CADPS2: variants seen among roughly 807,000 people sequenced by gnomAD.
CADPS2 encodes the protein calcium dependent secretion activator 2, also known as calcium-dependent secretion activator 2.
CADPS2 carries 93 observed loss-of-function variants against 172.5 expected under a neutral mutation model. The ratio of observed to expected loss-of-function variants is 0.54; its 90% CI spans 0.46 to 0.64. The LOEUF is 0.64. Among genes scored for constraint, CADPS2 ranks in the 30% least tolerant of loss-of-function variants. The pLI, the probability that CADPS2 is intolerant of heterozygous loss-of-function variation, is 0.00. For synonymous variants in CADPS2, 546 were observed against 555.2 expected (o/e 0.98, Z 0.23); for missense variants, 1,420 against 1,565.9 (o/e 0.91, Z 1.57).
chr7:122,675,184 A>G (rs1002998724), intron 2 of CADPS2, among the ~76,000 whole-genome samples: 5 of 152,354 alleles, frequency 3.3e-5, no homozygotes, highest in Admixed American at 6.5e-5. Context: ...CTAAGGCAGC[A>G]TTTGTCCATC....
chr7:122,617,529 T>C (rs2133910385), intron 5 of CADPS2, among the ~76,000 whole-genome samples: 1 of 152,238 alleles, frequency 6.6e-6, no homozygotes, highest in East Asian at 1.9e-4. Context: ...AATAAAGTTG[T>C]CCTAGAAGTA....
chr7:122,708,088 C>A (rs1216782624), intron 2 of CADPS2, among the ~76,000 whole-genome samples: 1 of 151,732 alleles, frequency 6.6e-6, no homozygotes, highest in Non-Finnish European at 1.5e-5. Context: ...CATTTGTCCT[C>A]CTGTTGCAAG....
chr7:122,348,515 T>G (rs1297733728), intron 27 of CADPS2, among the ~76,000 whole-genome samples: 1 of 152,182 alleles, frequency 6.6e-6, no homozygotes, highest in African/African-American at 2.4e-5. Flanking sequence ...AATCAAGTGT[T>G]TCCTTTTTTT....
chr7:122,755,756 A>G (rs1182817839), intron 1 of CADPS2, among the ~76,000 whole-genome samples: 1 of 152,052 alleles, frequency 6.6e-6, no homozygotes, highest in East Asian at 1.9e-4. Context: ...AACTGATAAG[A>G]TATTTCATAA....
chr7:122,702,434 T>A (rs371390372), intron 2 of CADPS2: 1 of 1,613,622 alleles, frequency 6.2e-7, no homozygotes. Context: ...GCCTCCACGT[T>A]CGATGAGGGC....
intron 17 of CADPS2, among the ~76,000 whole-genome samples, chr7:122,437,971 A>G (rs2050858203): frequency 6.6e-6 from 1 of 152,158 alleles, no homozygotes; most frequent in South Asian, 2.1e-4. Flanking sequence ...AAATAAAATT[A>G]CATAATACTA....
chr7:122,698,166 T>C, intron 2 of CADPS2: 2 of 1,614,040 alleles, frequency 1.2e-6, no homozygotes, highest in Non-Finnish European at 1.7e-6. Context: ...TATCCCCATT[T>C]GGATTTATTT....
chr7:122,744,428 C>T (rs1223152286), intron 1 of CADPS2, among the ~76,000 whole-genome samples: 1 of 152,104 alleles, frequency 6.6e-6, no homozygotes, highest in African/African-American at 2.4e-5. Flanking sequence ...GGGAAAATAC[C>T]ATGGTACTAT....
At chr7:122,729,009 A>G (rs1038698665) in intron 2 of CADPS2, among the ~76,000 whole-genome samples, 3 of 151,518 alleles carry the variant, frequency 2.0e-5, no homozygotes, top group East Asian at 3.9e-4. Flanking sequence ...ACCTCTCTTT[A>G]CCCTCTATCC....
At chr7:122,648,477 C>A (rs1411816312) in intron 3 of CADPS2, among the ~76,000 whole-genome samples, 1 of 152,028 alleles carries the variant, frequency 6.6e-6, no homozygotes, top group Admixed American at 6.6e-5. Flanking sequence ...CTCTGCCCAC[C>A]CCGCCAAAAT....
At chr7:122,402,494 TAAA>T (rs1167514356) in intron 20 of CADPS2, among the ~76,000 whole-genome samples, 1 of 152,056 alleles carries the variant, frequency 6.6e-6, no homozygotes, top group Non-Finnish European at 1.5e-5. Context: ...CTCCAAAAGA[TAAA>T]AAACTATTTT....
chr7:122,365,390 T>C (rs900950739), intron 25 of CADPS2, among the ~76,000 whole-genome samples: 2 of 152,182 alleles, frequency 1.3e-5, no homozygotes, highest in African/African-American at 4.8e-5. Context: ...CTTTGTAAGA[T>C]TTTTGTTGAG....
At chr7:122,551,310 T>G (rs1352850928) in intron 8 of CADPS2, among the ~76,000 whole-genome samples, 5 of 152,078 alleles carry the variant, frequency 3.3e-5, no homozygotes, top group Non-Finnish European at 7.4e-5. Flanking sequence ...CTTAATACTC[T>G]AGGGAGCACA....
At position 122,578,689 on chromosome 7, in the gene CADPS2, A is replaced by T. The variant is rs543393874; in HGVS notation, c.1335+2490T>A. On this transcript the variant is annotated intron_variant, in intron 7 of 29. Transcript: ENST00000449022. ...TCCAAATAAATTGGAAGACATTGGA[A>T]TATTTTAAGGACAGAATGTTGTGAT... Among the ~76,000 whole-genome samples the T allele has an allele frequency of 3.3e-5, 5 of 152,280 alleles. No homozygotes were observed. In the South Asian group the frequency reaches 1.0e-3, roughly 32 times the overall value.
rs923581815 is a variant in CADPS2, at chr7:122,866,027, T to C, written c.339+19972A>G. Among the ~76,000 whole-genome samples the C allele has an allele frequency of 2.6e-5, 4 of 152,202 alleles. No homozygotes were observed. The East Asian group carries it at 7.7e-4, about 29-fold the overall frequency. On this transcript the variant is annotated intron_variant, in intron 1 of 29. Coordinates refer to ENST00000449022, the MANE Select transcript of CADPS2 (RefSeq NM_017954.11). ...TTTCCCAAAGAATTAAAAACATTAA[T>C]AGTTAAAAGAATTTCTTCTGGGAAT...
intron 15 of CADPS2, among the ~76,000 whole-genome samples, chr7:122,445,807 G>A (rs1047516767): frequency 6.6e-6 from 1 of 152,136 alleles, no homozygotes; most frequent in Non-Finnish European, 1.5e-5. Flanking sequence ...GGGCGACAGA[G>A]TAAGAACCTG....
chr7:122,374,026 C>T (rs2042064113), intron 25 of CADPS2, among the ~76,000 whole-genome samples: 1 of 152,102 alleles, frequency 6.6e-6, no homozygotes, highest in African/African-American at 2.4e-5. Context: ...AAACTGAATT[C>T]AACAGCACAT....
intron 3 of CADPS2, among the ~76,000 whole-genome samples, chr7:122,650,867 A>G (rs1326925297): frequency 6.6e-6 from 1 of 152,100 alleles, no homozygotes; most frequent in Non-Finnish European, 1.5e-5. Flanking sequence ...ATTATGATAC[A>G]TTTATTTACC....
At position 122,625,199 on chromosome 7, in the gene CADPS2, C is replaced by T. The variant is rs923971691; in HGVS notation, c.868-3482G>A. 3.9e-5 allele frequency among the ~76,000 whole-genome samples: 6 copies of T among 152,096 alleles called. 1 individual carries two copies. Among genetic ancestry groups the T allele is most frequent in the South Asian group, 4.2e-4 (2 of 4,808 alleles). On this transcript the variant is annotated intron_variant, in intron 4 of 29. Coordinates refer to ENST00000449022, the MANE Select transcript of CADPS2 (RefSeq NM_017954.11). ...CTGAGTAGCTGGGATTACAGGCAGGCGCCACCACGCCCGGCTAATTTTGTA... is the reference window on the plus strand; with the variant it reads ...CTGAGTAGCTGGGATTACAGGCAGGTGCCACCACGCCCGGCTAATTTTGTA...
Sources: gnomAD v4.1 joint callset for allele counts (sites outside exome capture counted in the v4.1 genomes callset) on GRCh38, gnomAD v4.1.1 for gene constraint, MANE v1.5 for transcripts, NCBI Gene and HGNC (gene_info 2026-07-23, HGNC 2026-07-21) for gene names.